The following ZNF831 variants were observed in gnomAD, a reference collection of about 807,000 sequenced individuals.
ZNF831 encodes zinc finger protein 831.
In ZNF831, 59 loss-of-function variants were observed where a neutral mutation model predicts 95.8. The observed-to-expected ratio is 0.62, with a 90% CI of 0.50 to 0.77. The LOEUF is 0.77. ZNF831 is among the 30% of genes least tolerant of loss of function. The pLI is 0.00. For synonymous variants in ZNF831, 961 were observed against 925.5 expected (o/e 1.04, Z -0.70); for missense variants, 2,205 against 2,164.0 (o/e 1.02, Z -0.38).
intron 1 of ZNF831, among the ~76,000 whole-genome samples, chr20:59,168,699 C>T (rs572499429): frequency 3.8e-4 from 57 of 151,964 alleles, no homozygotes; most frequent in African/African-American, 1.3e-3. Flanking sequence ...AGTTTTTCAC[C>T]GTTAAGTATA....
chr20:59,174,403 G>A (rs757940550), intron 1 of ZNF831, among the ~76,000 whole-genome samples: 114 of 152,348 alleles, frequency 7.5e-4, no homozygotes, highest in Non-Finnish European at 1.1e-3. Context: ...ATCATAGTCT[G>A]CTGGTGTCGT....
chr20:59,184,039 C>A (rs1450164402), intron 1 of ZNF831, among the ~76,000 whole-genome samples: 2 of 128,204 alleles, frequency 1.6e-5, no homozygotes, highest in African/African-American at 5.0e-5. Context: ...ATCCCCTCCT[C>A]CCCCAACCCC....
At chr20:59,253,861 C>A (rs773070125) in intron 5 of ZNF831, 37 bp from the exon 6 acceptor site, 4 of 1,066,156 alleles carry the variant, frequency 3.8e-6, no homozygotes, top group Non-Finnish European at 2.5e-6. Flanking sequence ...AATTAACCTC[C>A]CCCCCCACTT....
chr20:59,207,892 G>A (rs147286549), intron 4 of ZNF831, among the ~76,000 whole-genome samples: 20 of 152,310 alleles, frequency 1.3e-4, no homozygotes, highest in African/African-American at 4.8e-4. Flanking sequence ...TTGGCCCTGG[G>A]GGATCCTTTG....
intron 1 of ZNF831, among the ~76,000 whole-genome samples, chr20:59,131,267 C>T (rs1206518374): frequency 3.9e-5 from 6 of 152,200 alleles, no homozygotes; most frequent in South Asian, 2.1e-4. Flanking sequence ...CTGTACTTCA[C>T]GTTCATCTCC....
rs959380861 is a variant in ZNF831, at chr20:59,185,888, C to T, written c.-36-5096C>T. Among the ~76,000 whole-genome samples the T allele has an allele frequency of 4.6e-5, 7 of 152,158 alleles. No individual in the cohort carries two copies. The East Asian group carries it at 9.6e-4, about 21-fold the overall frequency. ...GGGTTTGGGGCTTTTGGAATTAAAACGCCTTTACTGAGTTTCTGCCACAGG... is the reference window on the plus strand; with the variant it reads ...GGGTTTGGGGCTTTTGGAATTAAAATGCCTTTACTGAGTTTCTGCCACAGG... On this transcript the variant is annotated intron_variant, in intron 1 of 5. Transcript: ENST00000371030.
At position 59,255,833 on chromosome 20, in the gene ZNF831, C is replaced by T. The variant is rs1174909787; in HGVS notation, c.*1090C>T. ...AAATTAAATCAGCCTCTGTATTGTGCACGTCAGAACTGCACAGAGAAAATT... is the reference window on the plus strand; with the variant it reads ...AAATTAAATCAGCCTCTGTATTGTGTACGTCAGAACTGCACAGAGAAAATT... On this transcript the variant is annotated 3_prime_UTR_variant, in exon 6 of 6. Coordinates refer to ENST00000371030, the MANE Select transcript of ZNF831 (RefSeq NM_178457.3). 5.9e-5 allele frequency: 9 copies of T among 152,122 alleles called. No homozygotes were observed. Among genetic ancestry groups the T allele is most frequent in the Non-Finnish European group, 1.3e-4 (9 of 68,048 alleles). 9.4% of individuals were successfully genotyped at this position (152,122 alleles called of 1,614,324 possible). A position where few individuals can be genotyped will look rare whatever the true frequency, so the allele number is the denominator to read the frequency against.
intron 1 of ZNF831, among the ~76,000 whole-genome samples, chr20:59,180,049 C>T (rs574193760): frequency 6.6e-6 from 1 of 152,150 alleles, no homozygotes; most frequent in African/African-American, 2.4e-5. Flanking sequence ...TTGAAAAACT[C>T]TTCACTCTCA....
Position 59,192,014 on chromosome 20 carries a change from C to G in ZNF831, c.995C>G (p.Pro332Arg), listed in dbSNP as rs1275971817. 2 of 1,608,672 alleles carry G rather than the reference C, an allele frequency of 1.2e-6. No homozygotes were observed. The highest frequency in any genetic ancestry group is 2.7e-5 in the African/African-American group (2 of 74,926). ...GAGAAGCCCTGGGATGCCAAGGCCC[C>G]CGAGGGCCGGCTGCGGAAGTGTGAG... ...AAEKPWDAKA[P>R]EGRLRKCEST... Residue 332 changes from proline to arginine, a missense_variant, in exon 2 of 6, where the codon CCC becomes CGC. Transcript: ENST00000371030. The surrounding 1 kb of genome is among the most constrained non-coding windows in gnomAD (Gnocchi z 5.2).
intron 2 of ZNF831, among the ~76,000 whole-genome samples, chr20:59,150,585 A>G (rs373821064): frequency 1.9e-4 from 29 of 152,358 alleles, no homozygotes; most frequent in African/African-American, 7.0e-4. Context: ...CCACCGTATG[A>G]GACTCAGAAC....
At chr20:59,212,548 C>T (rs1053839933) in intron 4 of ZNF831, among the ~76,000 whole-genome samples, 6 of 152,158 alleles carry the variant, frequency 3.9e-5, no homozygotes, top group African/African-American at 1.4e-4. Context: ...GAAGTTTTGC[C>T]GTTTTAAAGA....
intron 1 of ZNF831, among the ~76,000 whole-genome samples, chr20:59,137,699 A>C (rs1271502406): frequency 6.6e-6 from 1 of 152,210 alleles, no homozygotes; most frequent in East Asian, 1.9e-4. Context: ...AGCTCCAGGC[A>C]GGTGGGAGTG....
At chr20:59,203,705 A>G (rs1183996757) in intron 3 of ZNF831, among the ~76,000 whole-genome samples, 3 of 152,094 alleles carry the variant, frequency 2.0e-5, no homozygotes, top group African/African-American at 7.2e-5. Flanking sequence ...GCTTTCATTC[A>G]TCTCTATGTT....
At chr20:59,162,523 C>T (rs930799123), upstream of ZNF831, among the ~76,000 whole-genome samples, 1 of 152,108 alleles carries the variant, frequency 6.6e-6, no homozygotes, top group African/African-American at 2.4e-5. Context: ...TAGCTAGTTT[C>T]CCCAGCACCA....
rs553878682 is a variant in ZNF831 at position 59,256,865 on chromosome 20, A to T, written c.*2122A>T. ...TCCAGATTTTAGGGTGCAATCATCC[A>T]GCCTATACATGTGGCTCATAGTTCA... On this transcript the variant is annotated 3_prime_UTR_variant, in exon 6 of 6. Transcript: ENST00000371030. 7.2e-5 allele frequency: 11 copies of T among 152,372 alleles called. No individual in the cohort carries two copies. The East Asian group carries it at 1.2e-3, about 16-fold the overall frequency. The allele number at this position is 152,372 out of a possible 1,614,324, so 9.4% of individuals were successfully genotyped here. A position where few individuals can be genotyped will look rare whatever the true frequency, so the allele number is the denominator to read the frequency against.
chr20:59,207,779 G>T (rs1238749135), intron 4 of ZNF831, among the ~76,000 whole-genome samples: 1 of 152,188 alleles, frequency 6.6e-6, no homozygotes, highest in African/African-American at 2.4e-5. Flanking sequence ...ATGCTGCAGG[G>T]TCCCATCTGG....
At chr20:59,160,738 C>A (rs555258310), upstream of ZNF831, 1 of 151,672 alleles carries the variant, frequency 6.6e-6, no homozygotes, top group South Asian at 2.1e-4. Flanking sequence ...GAGAGTTATT[C>A]TTTCTACCCG....
chr20:59,178,648 G>T (rs950548133), intron 1 of ZNF831, among the ~76,000 whole-genome samples: 2 of 152,148 alleles, frequency 1.3e-5, no homozygotes, highest in African/African-American at 2.4e-5. Context: ...TATACTAAAA[G>T]AAAATATTCC....
Position 59,256,317 on chromosome 20 carries a change from C to T in ZNF831, c.*1574C>T, listed in dbSNP as rs189240198. The T allele has an allele frequency of 7.9e-5, 12 of 152,298 alleles. No homozygotes were observed. The highest frequency in any genetic ancestry group is 6.5e-4 in the Admixed American group (10 of 15,302). 9.4% of individuals were successfully genotyped at this position (152,298 alleles called of 1,614,324 possible). On this transcript the variant is annotated 3_prime_UTR_variant, in exon 6 of 6. Coordinates refer to ENST00000371030, the MANE Select transcript of ZNF831 (RefSeq NM_178457.3). ...TATTTGTGACCATTTCATATGCACTCATAAATATCCAAGGATTTCAGGCCC... is the reference window on the plus strand; with the variant it reads ...TATTTGTGACCATTTCATATGCACTTATAAATATCCAAGGATTTCAGGCCC...
Sources: allele counts gnomAD v4.1 joint callset (sites outside exome capture counted in the v4.1 genomes callset), GRCh38; gene constraint gnomAD v4.1.1; non-coding constraint Gnocchi (gnomAD v3.1); transcripts MANE v1.5; gene names NCBI Gene and HGNC (gene_info 2026-07-23, HGNC 2026-07-21).